GRM5: variants seen among roughly 807,000 people sequenced by gnomAD.
GRM5 encodes glutamate metabotropic receptor 5.
Under a neutral mutation model 83.1 loss-of-function variants are expected in GRM5, and 19 were observed. The observed-to-expected ratio is 0.23, with a 90% CI of 0.16 to 0.34. GRM5 has a LOEUF of 0.34. GRM5 is among the 10% of genes least tolerant of loss of function. GRM5 has a pLI of 1.00. For missense variants in GRM5, 1,160 were observed against 1,588.3 expected (o/e 0.73, Z 4.58); for synonymous variants, 675 against 633.6 (o/e 1.07, Z -0.98).
intron 2 of GRM5, among the ~76,000 whole-genome samples, chr11:88,911,120 T>G (rs867117004): frequency 1.3e-5 from 2 of 152,104 alleles, no homozygotes; most frequent in South Asian, 4.1e-4. Flanking sequence ...AAGTCACGTG[T>G]TCCCAAAAGA....
At chr11:88,706,114 G>T (rs1591453902) in intron 3 of GRM5, among the ~76,000 whole-genome samples, 1 of 151,980 alleles carries the variant, frequency 6.6e-6, no homozygotes, top group Admixed American at 6.6e-5. Context: ...CCCAAATCCT[G>T]TGCTTCTTGA....
At chr11:88,704,050 C>G (rs1941096715) in intron 3 of GRM5, among the ~76,000 whole-genome samples, 1 of 152,038 alleles carries the variant, frequency 6.6e-6, no homozygotes, top group Non-Finnish European at 1.5e-5. Flanking sequence ...TTACTGTCCT[C>G]TCACTATATC....
chr11:88,599,568 G>A (rs1298133184), intron 5 of GRM5, among the ~76,000 whole-genome samples: 1 of 152,164 alleles, frequency 6.6e-6, no homozygotes, highest in Non-Finnish European at 1.5e-5. Flanking sequence ...TTCAGAGATA[G>A]AATATAGCTT....
At chr11:88,831,428 G>C (rs1351342500) in intron 3 of GRM5, among the ~76,000 whole-genome samples, 1 of 152,244 alleles carries the variant, frequency 6.6e-6, no homozygotes, top group Non-Finnish European at 1.5e-5. Flanking sequence ...ATTCCCAGAA[G>C]CAGGGCCACA....
chr11:88,553,024 T>G (rs187417163), intron 8 of GRM5, among the ~76,000 whole-genome samples: 1 of 148,194 alleles, frequency 6.7e-6, no homozygotes, highest in East Asian at 1.9e-4. Context: ...TCTGCTAACA[T>G]GTCTTTTTTT....
At chr11:88,640,468 A>C (rs1333019022) in intron 4 of GRM5, among the ~76,000 whole-genome samples, 1 of 152,188 alleles carries the variant, frequency 6.6e-6, no homozygotes, top group East Asian at 1.9e-4. Flanking sequence ...ATGAATAAGC[A>C]AGCAATCAGT....
intron 8 of GRM5, among the ~76,000 whole-genome samples, chr11:88,561,700 G>A (rs2135162867): frequency 6.6e-6 from 1 of 152,192 alleles, no homozygotes; most frequent in Non-Finnish European, 1.5e-5. Context: ...GAACCAAAAT[G>A]TTAATCACAG....
chr11:88,572,420 A>G (rs1943023427), intron 7 of GRM5, among the ~76,000 whole-genome samples: 1 of 152,172 alleles, frequency 6.6e-6, no homozygotes. Context: ...TCCTCTAACA[A>G]TATCAGTTCT....
chr11:88,860,110 T>G (rs1944537317), intron 2 of GRM5, among the ~76,000 whole-genome samples: 1 of 152,168 alleles, frequency 6.6e-6, no homozygotes, highest in Non-Finnish European at 1.5e-5. Flanking sequence ...TGTTAAATTT[T>G]TTGGAATATT....
chr11:89,020,795 T>A (rs1009816095), intron 2 of GRM5, among the ~76,000 whole-genome samples: 1 of 152,212 alleles, frequency 6.6e-6, no homozygotes, highest in Non-Finnish European at 1.5e-5. Flanking sequence ...CCAAGCATGA[T>A]CCTTAGGGCT....
At chr11:88,773,680 C>T (rs898568634) in intron 3 of GRM5, among the ~76,000 whole-genome samples, 10 of 152,112 alleles carry the variant, frequency 6.6e-5, no homozygotes, top group Middle Eastern at 3.4e-3. Context: ...GGCTAGCCAG[C>T]TTTCCCAGCA....
intron 2 of GRM5, among the ~76,000 whole-genome samples, chr11:88,896,007 G>A (rs918015152): frequency 6.6e-6 from 1 of 151,870 alleles, no homozygotes; most frequent in Non-Finnish European, 1.5e-5. Context: ...TTTGAAGGAG[G>A]TTCTCCAGGC....
intron 3 of GRM5, among the ~76,000 whole-genome samples, chr11:88,717,315 G>C (rs527978648): frequency 5.9e-5 from 9 of 151,900 alleles, no homozygotes; most frequent in Non-Finnish European, 1.2e-4. Context: ...TTTTATTATA[G>C]ATAAATGACA....
At chr11:88,961,209 A>G (rs948190551) in intron 2 of GRM5, among the ~76,000 whole-genome samples, 3 of 152,218 alleles carry the variant, frequency 2.0e-5, no homozygotes, top group Non-Finnish European at 2.9e-5. Flanking sequence ...AGTAGGCACC[A>G]TATATGAACT....
At chr11:89,052,860 TG>T (rs1302800550) in intron 1 of GRM5, among the ~76,000 whole-genome samples, 7 of 152,194 alleles carry the variant, frequency 4.6e-5, no homozygotes, top group Admixed American at 4.6e-4. Flanking sequence ...GAATTTGGGA[TG>T]TTTGAACTGT....
intron 2 of GRM5, among the ~76,000 whole-genome samples, chr11:89,004,753 G>A (rs1276284464): frequency 6.6e-6 from 1 of 152,164 alleles, no homozygotes; most frequent in African/African-American, 2.4e-5. Context: ...AAGCATTTCT[G>A]AGGAAGTCAT....
At chr11:88,722,476 T>G (rs1402737134) in intron 3 of GRM5, among the ~76,000 whole-genome samples, 2 of 152,148 alleles carry the variant, frequency 1.3e-5, no homozygotes, top group Non-Finnish European at 2.9e-5. Flanking sequence ...TGGTAACTTT[T>G]GTACATTTCA....
At chr11:88,763,160 C>A (rs1343359277) in intron 3 of GRM5, among the ~76,000 whole-genome samples, 1 of 151,736 alleles carries the variant, frequency 6.6e-6, no homozygotes, top group Non-Finnish European at 1.5e-5. Flanking sequence ...CACATGTACC[C>A]CTGAACCTAA....
At chr11:88,717,739 A>G (rs1168989359) in intron 3 of GRM5, among the ~76,000 whole-genome samples, 1 of 151,882 alleles carries the variant, frequency 6.6e-6, no homozygotes, top group Non-Finnish European at 1.5e-5. Flanking sequence ...AAATGTATAT[A>G]TACATTTAGG....
Sources: gnomAD v4.1 joint callset for allele counts (sites outside exome capture counted in the v4.1 genomes callset) on GRCh38, gnomAD v4.1.1 for gene constraint, MANE v1.5 for transcripts, NCBI Gene and HGNC (gene_info 2026-07-23, HGNC 2026-07-21) for gene names.